Variants in VWDE observed in about 807,000 individuals in gnomAD.
VWDE encodes von Willebrand factor D and EGF domain-containing protein.
In VWDE, 207 loss-of-function variants were observed where a neutral mutation model predicts 178.4. The ratio of observed to expected loss-of-function variants is 1.16; its 90% CI spans 1.04 to 1.30. The LOEUF is 1.30. VWDE is among the 50% of genes most tolerant of loss of function. VWDE has a pLI of 0.00. For missense variants in VWDE, 2,287 were observed against 1,901.3 expected, an observed-to-expected ratio of 1.20 and a Z score of -3.77; for synonymous variants, 738 against 651.4, an observed-to-expected ratio of 1.13 and a Z score of -2.02.
intron 28 of VWDE, among the ~76,000 whole-genome samples, chr7:12,332,175 T>G (rs3815528): frequency 6.6e-6 from 1 of 151,304 alleles, no homozygotes; most frequent in African/African-American, 2.4e-5. Flanking sequence ...CAAAGAAATA[T>G]CGAAAGCAAG....
chr7:12,355,041 G>A (rs1263167611), intron 18 of VWDE, among the ~76,000 whole-genome samples: 1 of 152,112 alleles, frequency 6.6e-6, no homozygotes, highest in African/African-American at 2.4e-5. Context: ...TAAAATTTAT[G>A]AGGCAATCAA....
chr7:12,354,358 AT>A, intron 18 of VWDE: 2 of 425,134 alleles, frequency 4.7e-6, no homozygotes, highest in South Asian at 1.7e-5. Context: ...ACCATGGCAT[AT>A]TTTTCCATCC....
At chr7:12,343,049 T>G (rs1781412365) in intron 22 of VWDE, 34 bp downstream of exon 22, 1 of 1,482,888 alleles carries the variant, frequency 6.7e-7, no homozygotes, top group African/African-American at 1.4e-5. Flanking sequence ...AGAAGCAGTT[T>G]CATTATATCA....
In VWDE at chr7:12,403,811, T is replaced by C. The variant is rs532739413; in HGVS notation, c.-95A>G. On this transcript the variant is annotated 5_prime_UTR_variant, in exon 1 of 29. Coordinates refer to ENST00000275358, the MANE Select transcript of VWDE (RefSeq NM_001135924.3). ...CAGCAGCCCCTCGGGCCTCCTTTCTTGGATTTTCTCAGTCTGTTGCTGCTT... is the reference window on the plus strand; with the variant it reads ...CAGCAGCCCCTCGGGCCTCCTTTCTCGGATTTTCTCAGTCTGTTGCTGCTT... 6.0e-4 allele frequency: 810 copies of C among 1,351,270 alleles called. No homozygotes were observed. The highest frequency in any genetic ancestry group is 7.7e-4 in the Non-Finnish European group (747 of 975,408). The allele number at this position is 1,351,270 out of a possible 1,614,324, so 83.7% of individuals were successfully genotyped here.
chr7:12,371,785 G>A (rs1055289625), intron 10 of VWDE, among the ~76,000 whole-genome samples: 6 of 151,946 alleles, frequency 3.9e-5, no homozygotes, highest in Non-Finnish European at 7.4e-5. Flanking sequence ...GCATTTTCAT[G>A]ACTACAAAGT....
At chr7:12,372,105 G>A (rs7791256) in intron 10 of VWDE, among the ~76,000 whole-genome samples, 2 of 151,984 alleles carry the variant, frequency 1.3e-5, no homozygotes, top group South Asian at 2.1e-4. Flanking sequence ...GACTGCTAAC[G>A]AGGTTAAAGT....
At chr7:12,334,466 A>AG (rs66649733) in intron 27 of VWDE, among the ~76,000 whole-genome samples, 152,229 of 152,232 alleles carry the variant, frequency 1, 76,113 homozygotes, top group Middle Eastern at 1. Context: ...TGTTTTCATC[A>AG]GGCTGCTGTA....
intron 12 of VWDE, among the ~76,000 whole-genome samples, chr7:12,368,688 A>G (rs986349490): frequency 6.6e-6 from 1 of 152,152 alleles, no homozygotes; most frequent in Admixed American, 6.6e-5. Context: ...TAAACACAGG[A>G]GCAATATGAT....
intron 4 of VWDE, among the ~76,000 whole-genome samples, chr7:12,383,188 T>G (rs1310432581): frequency 6.6e-6 from 1 of 152,108 alleles, no homozygotes; most frequent in Non-Finnish European, 1.5e-5. Flanking sequence ...CTGTTATAAA[T>G]ATTGTGTTCG....
chr7:12,393,541 A>G (rs535469158), intron 2 of VWDE, 53 bp downstream of exon 2: 99 of 1,384,018 alleles, frequency 7.2e-5, no homozygotes, highest in Non-Finnish European at 8.9e-5. Context: ...TACAATTCTC[A>G]TATGAAAAAC....
intron 1 of VWDE, among the ~76,000 whole-genome samples, chr7:12,397,133 A>T (rs750063938): frequency 3.9e-5 from 6 of 152,214 alleles, no homozygotes; most frequent in Non-Finnish European, 7.4e-5. Context: ...GGCAAAAAGA[A>T]TAAAGCCTGA....
chr7:12,398,994 A>C (rs1199231956), intron 1 of VWDE, among the ~76,000 whole-genome samples: 6 of 152,116 alleles, frequency 3.9e-5, no homozygotes, highest in Non-Finnish European at 8.8e-5. Context: ...CCTCAGCATC[A>C]TGCGATGTAC....
chr7:12,375,020 T>C lies in VWDE; in HGVS notation c.1232A>G (p.Asp411Gly), dbSNP rs1269231417. 12 of 1,551,088 alleles carry C rather than the reference T, an allele frequency of 7.7e-6. No individual in the cohort carries two copies. In the East Asian group the frequency reaches 2.7e-4, roughly 35 times the overall value. Residue 411 changes from aspartate to glycine, a missense_variant, in exon 8 of 29, where the codon GAC (aspartate) becomes GGC (glycine). Transcript: ENST00000275358. Reference sequence around the variant, plus strand: ...TTGTAATTTGTCAACCTGGATGCTGTCTGGAATGTAGTTGTTCCACAGGAA... The same window carrying C: ...TTGTAATTTGTCAACCTGGATGCTGCCTGGAATGTAGTTGTTCCACAGGAA... ...EDFLWNNYIP[D>G]SIQIKVKDVP...
chr7:12,398,488 G>A (rs1784729476), intron 1 of VWDE, among the ~76,000 whole-genome samples: 1 of 151,986 alleles, frequency 6.6e-6, no homozygotes, highest in South Asian at 2.1e-4. Flanking sequence ...CCTAATTCCT[G>A]TATTCCTACA....
In VWDE at chr7:12,340,412, A is replaced by C; in HGVS notation, c.4276T>G (p.Cys1426Gly). Residue 1426 changes from cysteine (C) to glycine (G), a missense_variant, in exon 24 of 29, where the codon TGC becomes GGC. Physicochemically the swap from Cys to Gly is radical, Grantham distance 159. Transcript: ENST00000275358. ...WYGPTCSTAL[C>G]DPVCLNGGSC... ...CCACCATTGAGGCAGACAGGGTCGC[A>C]CAAAGCTAATAAACAGCAGGAGGAA... 6.4e-7 allele frequency: 1 copy of C among 1,550,708 alleles called. No individual in the cohort carries two copies. Among genetic ancestry groups the C allele is most frequent in the Non-Finnish European group, 8.7e-7 (1 of 1,146,412 alleles).
At chr7:12,351,759 C>T in intron 18 of VWDE, 46 bp from the exon 19 acceptor site, 1 of 1,466,050 alleles carries the variant, frequency 6.8e-7, no homozygotes, top group Non-Finnish European at 9.1e-7. Context: ...AACTATTAGA[C>T]AACCAAAGCA....
rs1200696488 is a variant in VWDE, at chr7:12,344,224, G to C, written c.4049C>G (p.Pro1350Arg). The change falls in exon 21 of 29, where the codon CCA becomes CGA. Residue 1350 changes from proline to arginine, a missense_variant. Physicochemically the swap from Pro to Arg is moderately radical, Grantham distance 103. Coordinates refer to ENST00000275358, the MANE Select transcript of VWDE (RefSeq NM_001135924.3). ...ATCACAGGTTGCTCCACCATGTCCT[G>C]GAAGACACTGACAAATGTTAGGCTT... ...CIKPNICQCL[P>R]GHGGATCDEE... 6.4e-7 allele frequency: 1 copy of C among 1,551,086 alleles called. No individual in the cohort carries two copies. The highest frequency in any genetic ancestry group is 8.7e-7 in the Non-Finnish European group (1 of 1,146,578).
intron 13 of VWDE, among the ~76,000 whole-genome samples, chr7:12,362,376 CAAGT>C (rs1782635959): frequency 6.6e-6 from 1 of 151,984 alleles, no homozygotes; most frequent in African/African-American, 2.4e-5. Flanking sequence ...TATTTTTGCT[CAAGT>C]TAGTTTATTA....
chr7:12,375,214 T>C lies in VWDE; in HGVS notation c.1038A>G (p.Leu346=). The change falls in exon 8 of 29, where the codon CTA becomes CTG. Residue 346 remains leucine, a synonymous_variant. Coordinates refer to ENST00000275358, the MANE Select transcript of VWDE (RefSeq NM_001135924.3). ...LKTIGQGREH[L]GLNLALSSCH... ...AGGAAGACAGTGCCAAATTTAAGCC[T>C]AGGTGCTCTCTACCTATTTAATGAA... 6.4e-7 allele frequency: 1 copy of C among 1,550,888 alleles called. No individual in the cohort carries two copies. Among genetic ancestry groups the C allele is most frequent in the South Asian group, 1.2e-5 (1 of 84,044 alleles).
Sources: allele counts gnomAD v4.1 joint callset (sites outside exome capture counted in the v4.1 genomes callset), GRCh38; gene constraint gnomAD v4.1.1; transcripts MANE v1.5; gene names NCBI Gene and HGNC (gene_info 2026-07-23, HGNC 2026-07-21).